Variants in RNF150 observed in about 807,000 individuals in gnomAD.
RNF150 encodes the protein ring finger protein 150.
RNF150 carries 24 observed loss-of-function variants against 39.3 expected under a neutral mutation model. That is an observed-to-expected ratio of 0.61 (90% CI 0.44 to 0.86). The LOEUF is 0.86. Ranked by LOEUF, RNF150 falls within the 40% of genes least tolerant of loss-of-function variation. RNF150 has a pLI of 0.00. For synonymous variants in RNF150, 255 were observed against 227.3 expected (o/e 1.12, Z -1.10); for missense variants, 502 against 587.8 (o/e 0.85, Z 1.51).
intron 6 of RNF150, among the ~76,000 whole-genome samples, chr4:140,871,640 CA>C (rs113627126): frequency 0.02 from 2,904 of 146,420 alleles, 94 homozygotes; most frequent in African/African-American, 0.063. Flanking sequence ...TGGGTCCAGC[CA>C]AAAAAAAAAT....
intron 6 of RNF150, among the ~76,000 whole-genome samples, chr4:140,868,734 A>C (rs1459522361): frequency 6.6e-6 from 1 of 152,208 alleles, no homozygotes; most frequent in Non-Finnish European, 1.5e-5. Context: ...CACATGTAAA[A>C]TAAAATCAAA....
At chr4:140,994,641 C>T (rs73858674) in intron 1 of RNF150, among the ~76,000 whole-genome samples, 11,547 of 152,140 alleles carry the variant, frequency 0.076, 498 homozygotes, top group Middle Eastern at 0.16. Flanking sequence ...AATGAGGAAA[C>T]CTAGGCTATA....
At chr4:140,918,237 AT>A (rs1560965867) in intron 5 of RNF150, among the ~76,000 whole-genome samples, 1 of 152,250 alleles carries the variant, frequency 6.6e-6, no homozygotes, top group Non-Finnish European at 1.5e-5. Context: ...CCTTCAAAAA[AT>A]TAATGAATCC....
chr4:140,980,065 C>T (rs182196981), intron 1 of RNF150, among the ~76,000 whole-genome samples: 25 of 151,858 alleles, frequency 1.6e-4, no homozygotes, highest in Admixed American at 8.5e-4. Context: ...TTTTTTTTGA[C>T]GGAGTCTCGC....
At chr4:141,035,991 T>C (rs545255377) in intron 1 of RNF150, among the ~76,000 whole-genome samples, 44 of 152,092 alleles carry the variant, frequency 2.9e-4, no homozygotes, top group African/African-American at 1.0e-3. Context: ...GATAAAGGGA[T>C]TATCAATAAG....
rs79187391 is a variant in RNF150, at chr4:140,977,594, G to A, written c.485-9721C>T. On this transcript the variant is annotated intron_variant, in intron 1 of 6. Transcript: ENST00000515673. ...TTGGTTTGAATTTTCTGCACTTTAC[G>A]TCCATATTATATAACCAGGTAGTGA... is the stretch of plus-strand genomic sequence containing the variant. Among the ~76,000 whole-genome samples, 1,321 of 152,170 alleles carry A rather than the reference G, an allele frequency of 8.7e-3. 8 individuals are homozygous for A. The highest frequency in any genetic ancestry group is 0.02 in the Middle Eastern group (6 of 294).
intron 1 of RNF150, among the ~76,000 whole-genome samples, chr4:141,189,710 T>C (rs1198254375): frequency 6.6e-6 from 1 of 152,106 alleles, no homozygotes; most frequent in African/African-American, 2.4e-5. Flanking sequence ...AGGGGAAAAC[T>C]ACCTACTCCA....
At chr4:141,168,106 C>T (rs542829924) in intron 1 of RNF150, among the ~76,000 whole-genome samples, 1 of 151,884 alleles carries the variant, frequency 6.6e-6, no homozygotes. Flanking sequence ...AGAAAACAAA[C>T]AAACAACCCC....
chr4:141,155,252 A>ATTTTTTTTT (rs70946798), intron 1 of RNF150, among the ~76,000 whole-genome samples: 7 of 126,416 alleles, frequency 5.5e-5, no homozygotes, highest in Non-Finnish European at 8.1e-5. Flanking sequence ...CACCCGGCTG[A>ATTTTTTTTT]TTTTTTTTTT....
chr4:140,957,371 G>C (rs1732804040), intron 2 of RNF150, among the ~76,000 whole-genome samples: 1 of 152,010 alleles, frequency 6.6e-6, no homozygotes, highest in African/African-American at 2.4e-5. Flanking sequence ...ACACCAGTTA[G>C]AATGGTGATC....
At chr4:141,102,534 C>A (rs1739049041) in intron 1 of RNF150, among the ~76,000 whole-genome samples, 1 of 152,192 alleles carries the variant, frequency 6.6e-6, no homozygotes, top group African/African-American at 2.4e-5. Context: ...CACATTCACC[C>A]TGTGGTTAGG....
At chr4:141,112,753 G>A (rs747712001) in intron 1 of RNF150, among the ~76,000 whole-genome samples, 2 of 152,034 alleles carry the variant, frequency 1.3e-5, no homozygotes, top group South Asian at 2.1e-4. Context: ...TGTATTTCCC[G>A]AATTTGAATG....
intron 1 of RNF150, among the ~76,000 whole-genome samples, chr4:141,034,071 T>G (rs1013569606): frequency 2.6e-5 from 4 of 152,172 alleles, no homozygotes; most frequent in African/African-American, 9.7e-5. Flanking sequence ...GCTATGAAGG[T>G]CCTAGATGGC....
chr4:140,959,828 A>G (rs550627203), intron 2 of RNF150, among the ~76,000 whole-genome samples: 2 of 152,054 alleles, frequency 1.3e-5, no homozygotes, highest in Non-Finnish European at 2.9e-5. Flanking sequence ...AACTAACATA[A>G]AATGATATGA....
chr4:141,005,994 G>A (rs1035924675), intron 1 of RNF150, among the ~76,000 whole-genome samples: 7 of 131,202 alleles, frequency 5.3e-5, no homozygotes, highest in South Asian at 2.4e-4. Flanking sequence ...GCGTGAACCC[G>A]GGAGGCGGAG....
At chr4:141,159,623 G>A (rs1373849236) in intron 1 of RNF150, among the ~76,000 whole-genome samples, 2 of 152,016 alleles carry the variant, frequency 1.3e-5, no homozygotes, top group African/African-American at 4.8e-5. Context: ...GCTAACTGCA[G>A]CCTCCACCTT....
chr4:141,151,456 AC>A (rs1322563369), intron 1 of RNF150, among the ~76,000 whole-genome samples: 7 of 7,492 alleles, frequency 9.3e-4, no homozygotes, highest in Admixed American at 4.1e-3. Flanking sequence ...ACACACACAC[AC>A]ACACAGACAC....
chr4:141,030,496 T>C (rs1735899492), intron 1 of RNF150, among the ~76,000 whole-genome samples: 1 of 152,098 alleles, frequency 6.6e-6, no homozygotes, highest in African/African-American at 2.4e-5. Flanking sequence ...GGAAGAGATA[T>C]TTGCAAACCC....
intron 5 of RNF150, among the ~76,000 whole-genome samples, chr4:140,925,389 G>A (rs1170051591): frequency 1.3e-5 from 2 of 152,154 alleles, no homozygotes; most frequent in East Asian, 3.8e-4. Flanking sequence ...GTCTCTGGGG[G>A]AGTCAACTGG....
Sources: gnomAD v4.1 joint callset for allele counts (sites outside exome capture counted in the v4.1 genomes callset) on GRCh38, gnomAD v4.1.1 for gene constraint, MANE v1.5 for transcripts, NCBI Gene and HGNC (gene_info 2026-07-23, HGNC 2026-07-21) for gene names.